The following GNG12 variants were observed in gnomAD, a reference collection of about 807,000 sequenced individuals.
GNG12 encodes guanine nucleotide-binding protein G(I)/G(S)/G(O) subunit gamma-12.
For missense variants in GNG12, 69 were observed against 83.8 expected (o/e 0.82, Z 0.69); for synonymous variants, 28 against 29.7 (o/e 0.94, Z 0.19).
At chr1:67,770,310 C>A (rs960269709) in intron 2 of GNG12, among the ~76,000 whole-genome samples, 2 of 152,244 alleles carry the variant, frequency 1.3e-5, no homozygotes, top group East Asian at 3.9e-4. Flanking sequence ...CCTTTCTTCT[C>A]CAGCCCAGAG....
intron 1 of GNG12, among the ~76,000 whole-genome samples, chr1:67,794,637 T>G (rs748807623): frequency 6.6e-6 from 1 of 152,186 alleles, no homozygotes. Context: ...AGGGCCAAAT[T>G]AGTTCAGCTT....
chr1:67,721,369 C>G (rs1006742347), intron 2 of GNG12, among the ~76,000 whole-genome samples: 7 of 152,320 alleles, frequency 4.6e-5, no homozygotes, highest in African/African-American at 1.7e-4. Context: ...GCAGCATGAG[C>G]ATCGCCTGGG....
At chr1:67,778,996 A>T (rs1188864663) in intron 1 of GNG12, among the ~76,000 whole-genome samples, 1 of 152,106 alleles carries the variant, frequency 6.6e-6, no homozygotes, top group African/African-American at 2.4e-5. Context: ...CCGGGTCTGG[A>T]GGTTTGTCTG....
At chr1:67,732,113 G>GAT (rs1427407419) in intron 2 of GNG12, among the ~76,000 whole-genome samples, 2 of 152,210 alleles carry the variant, frequency 1.3e-5, no homozygotes, top group Non-Finnish European at 2.9e-5. Context: ...TCAGCCTTTA[G>GAT]ATTCTATGTC....
At chr1:67,757,370 C>G (rs1414967222) in intron 2 of GNG12, among the ~76,000 whole-genome samples, 3 of 152,162 alleles carry the variant, frequency 2.0e-5, no homozygotes, top group African/African-American at 4.8e-5. Flanking sequence ...CATGAGGAAA[C>G]AGGCAGGAAG....
chr1:67,777,473 T>A lies in GNG12; in HGVS notation c.-42A>T. The stretch of plus-strand genomic sequence containing the variant: ...AAGAACTTACCAGTAAGACTTTGTG[T>A]GGTCCAATGTTTTCAGGTTTTAAGT... On this transcript the variant is annotated 5_prime_UTR_variant, in exon 2 of 4. Transcript: ENST00000370982. The A allele has an allele frequency of 1.1e-6, 1 of 923,698 alleles. No homozygotes were observed. Among genetic ancestry groups the A allele is most frequent in the Non-Finnish European group, 1.3e-6 (1 of 773,582 alleles). The allele number at this position is 923,698 out of a possible 1,614,324, so 57.2% of individuals were successfully genotyped here.
intron 1 of GNG12, among the ~76,000 whole-genome samples, chr1:67,819,724 T>C (rs781145499): frequency 6.6e-6 from 1 of 152,240 alleles, no homozygotes; most frequent in African/African-American, 2.4e-5. Flanking sequence ...CATTCACTCA[T>C]TCATTGTTCT....
intron 1 of GNG12, among the ~76,000 whole-genome samples, chr1:67,814,135 T>C (rs1289866891): frequency 2.0e-5 from 3 of 152,072 alleles, no homozygotes; most frequent in East Asian, 3.9e-4. Flanking sequence ...CCTTTAAAAG[T>C]AAAAATTTAA....
chr1:67,830,357 T>C (rs1380784614), intron 1 of GNG12, among the ~76,000 whole-genome samples: 1 of 152,216 alleles, frequency 6.6e-6, no homozygotes, highest in Non-Finnish European at 1.5e-5. Context: ...GTCAACAATG[T>C]GATGAGTAGA....
At chr1:67,766,148 A>ACACCCCCC in intron 2 of GNG12, among the ~76,000 whole-genome samples, 1 of 133,708 alleles carries the variant, frequency 7.5e-6, no homozygotes, top group East Asian at 2.1e-4. Context: ...ACACACACAC[A>ACACCCCCC]CCCCTAAACA....
intron 2 of GNG12, among the ~76,000 whole-genome samples, chr1:67,772,924 G>A (rs1475705742): frequency 1.3e-5 from 2 of 152,234 alleles, no homozygotes; most frequent in Non-Finnish European, 2.9e-5. Flanking sequence ...CCACCATGGT[G>A]AGGGAGAGCA....
chr1:67,823,581 G>A (rs930138529), intron 1 of GNG12, among the ~76,000 whole-genome samples: 1 of 152,124 alleles, frequency 6.6e-6, no homozygotes, highest in Admixed American at 6.5e-5. Flanking sequence ...GCCCCAAACC[G>A]CCATCTCACT....
intron 2 of GNG12, among the ~76,000 whole-genome samples, chr1:67,767,050 T>C (rs1328864328): frequency 6.6e-6 from 1 of 152,236 alleles, no homozygotes; most frequent in African/African-American, 2.4e-5. Flanking sequence ...CTAAGCCTTA[T>C]ACAATTTTGG....
intron 1 of GNG12, among the ~76,000 whole-genome samples, chr1:67,828,435 T>C (rs907445844): frequency 1.6e-4 from 25 of 152,344 alleles, no homozygotes; most frequent in African/African-American, 5.3e-4. Context: ...TTAAGATGCT[T>C]CTGGGTCAAA....
intron 2 of GNG12, among the ~76,000 whole-genome samples, chr1:67,756,589 G>A (rs1195212173): frequency 6.6e-6 from 1 of 152,294 alleles, no homozygotes; most frequent in African/African-American, 2.4e-5. Flanking sequence ...GATAGGGTGT[G>A]ATGGTTTTAA....
intron 1 of GNG12, among the ~76,000 whole-genome samples, chr1:67,830,080 A>C (rs1557630842): frequency 7.0e-6 from 1 of 143,844 alleles, no homozygotes; most frequent in East Asian, 2.0e-4. Flanking sequence ...ATCTCGATTC[A>C]CCGCAACCTC....
chr1:67,718,645 T>G (rs1024098987), intron 2 of GNG12, among the ~76,000 whole-genome samples: 3 of 151,402 alleles, frequency 2.0e-5, no homozygotes, highest in African/African-American at 4.9e-5. Context: ...TTTACCTGAG[T>G]CTTGGCTCTC....
chr1:67,707,381 T>C (rs1293421104), intron 3 of GNG12, among the ~76,000 whole-genome samples: 2 of 152,204 alleles, frequency 1.3e-5, no homozygotes, highest in Non-Finnish European at 2.9e-5. Context: ...TCCAGAGTTT[T>C]ACAAACAGAG....
chr1:67,805,592 C>T (rs1025603976), intron 1 of GNG12, among the ~76,000 whole-genome samples: 1 of 151,846 alleles, frequency 6.6e-6, no homozygotes, highest in Non-Finnish European at 1.5e-5. Context: ...GATATGACAA[C>T]AGAAACTCAA....
Sources: allele counts gnomAD v4.1 joint callset (sites outside exome capture counted in the v4.1 genomes callset), GRCh38; gene constraint gnomAD v4.1.1; transcripts MANE v1.5; gene names NCBI Gene and HGNC (gene_info 2026-07-23, HGNC 2026-07-21).